CST8: variants seen among roughly 807,000 people sequenced by gnomAD.
CST8 encodes cystatin-8.
CST8 carries 20 observed loss-of-function variants against 11.8 expected under a neutral mutation model. That is an observed-to-expected ratio of 1.70 (90% CI 1.20 to 2.47). The LOEUF is 2.47. Among genes scored for constraint, CST8 ranks in the 30% most tolerant of loss-of-function variants. CST8 has a pLI of 0.00. For synonymous variants in CST8, 77 were observed against 63.1 expected, an observed-to-expected ratio of 1.22 and a Z score of -1.05; for missense variants, 196 against 167.2, an observed-to-expected ratio of 1.17 and a Z score of -0.95.
At chr20:23,504,251 C>G in the CST8 span, among the ~76,000 whole-genome samples, 9 of 152,078 alleles carry the variant, frequency 5.9e-5, no homozygotes, top group African/African-American at 2.2e-4. Context: ...TGCCATGTGC[C>G]GGACACCATT....
At chr20:23,493,141 CA>C in intron 3 of CST8, 70 bp downstream of exon 3, 1 of 958,632 alleles carries the variant, frequency 1.0e-6, no homozygotes, top group Non-Finnish European at 1.7e-6. Flanking sequence ...CTGAGGCACG[CA>C]GACCTTCTCT....
rs776306520 is a variant in CST8, at chr20:23,491,630, G to A, written c.-38G>A. 6 of 1,527,276 alleles carry A rather than the reference G, an allele frequency of 3.9e-6. No homozygotes were observed. The highest frequency in any genetic ancestry group is 2.3e-5 in the East Asian group (1 of 44,432). The allele number at this position is 1,527,276 out of a possible 1,614,324, so 94.6% of individuals were successfully genotyped here. A position where few individuals can be genotyped will look rare whatever the true frequency, so the allele number is the denominator to read the frequency against. The stretch of plus-strand genomic sequence containing the variant: ...CCCACAGCTCCAGCCCTGAGACGAC[G>A]AGGAGGAGAGTCGACTTTGCCTCTT... On this transcript the variant is annotated 5_prime_UTR_variant, in exon 2 of 4. Transcript: ENST00000246012.
At chr20:23,493,735 C>T (rs1987960686) in intron 3 of CST8, among the ~76,000 whole-genome samples, 1 of 152,180 alleles carries the variant, frequency 6.6e-6, no homozygotes, top group African/African-American at 2.4e-5. Flanking sequence ...AGTACTTGGT[C>T]CCAGACAGAT....
Position 23,491,576 on chromosome 20 carries a change from A to G in CST8, c.-92A>G, listed in dbSNP as rs1483049611. The G allele has an allele frequency of 8.3e-6, 8 of 964,014 alleles. No homozygotes were observed. Among genetic ancestry groups the G allele is most frequent in the Non-Finnish European group, 1.3e-5 (8 of 614,922 alleles). 59.7% of individuals were successfully genotyped at this position (964,014 alleles called of 1,614,324 possible). A position where few individuals can be genotyped will look rare whatever the true frequency, so the allele number is the denominator to read the frequency against. ...GTGTGGCTCGAAGATTCTTGAACCC[A>G]CAGCAGCAGCTGCGGCCACCCCATC... On this transcript the variant is annotated 5_prime_UTR_variant, in exon 2 of 4. Transcript: ENST00000246012.
Position 23,491,707 on chromosome 20 carries a change from A to T in CST8, c.40A>T (p.Ile14Phe), listed in dbSNP as rs746492126. The T allele has an allele frequency of 1.2e-6, 2 of 1,613,980 alleles. No homozygotes were observed. The highest frequency in any genetic ancestry group is 3.3e-5 in the Admixed American group (2 of 60,020). Residue 14 changes from isoleucine (I) to phenylalanine (F), a missense_variant, in exon 2 of 4, where the codon ATT (isoleucine) becomes TTT (phenylalanine). Transcript: ENST00000246012. ...CRWLSLILLT[I>F]PLALVARKDP... ...GTGGCTCTCCCTGATCCTCCTCACC[A>T]TTCCCCTGGCCCTGGTGGCCAGGAA...
the CST8 span, among the ~76,000 whole-genome samples, chr20:23,506,019 C>T: frequency 6.7e-6 from 1 of 149,976 alleles, no homozygotes; most frequent in Non-Finnish European, 1.5e-5. Flanking sequence ...TACAAAGATC[C>T]TGTATACCAT....
intron 3 of CST8, among the ~76,000 whole-genome samples, chr20:23,493,620 C>T (rs960306604): frequency 6.6e-6 from 1 of 152,174 alleles, no homozygotes; most frequent in African/African-American, 2.4e-5. Flanking sequence ...TCCAGGTTTC[C>T]AGGAAGGTTG....
At position 23,494,159 on chromosome 20, in the gene CST8, C is replaced by G. The variant is rs138547767; in HGVS notation, c.345+1088C>G. Among the ~76,000 whole-genome samples, 517 of 152,244 alleles carry G rather than the reference C, an allele frequency of 3.4e-3. 3 individuals carry two copies. Among genetic ancestry groups the G allele is most frequent in the Non-Finnish European group, 4.7e-3 (320 of 68,024 alleles). On this transcript the variant is annotated intron_variant, in intron 3 of 3. Coordinates refer to ENST00000246012, the MANE Select transcript of CST8 (RefSeq NM_005492.4). ...CAAACATTTCAGCAGTGAGCTTGTC[C>G]GAATGCTATCTGATCTTTTATGCTT...
intron 2 of CST8, 73 bp downstream of exon 2, chr20:23,491,971 C>T: frequency 8.2e-7 from 1 of 1,212,432 alleles, no homozygotes; most frequent in South Asian, 1.3e-5. Flanking sequence ...AAAGAGTGGG[C>T]ATATAAGAAA....
intron 3 of CST8, among the ~76,000 whole-genome samples, chr20:23,495,545 A>T (rs1180049027): frequency 6.6e-6 from 1 of 152,208 alleles, no homozygotes; most frequent in Non-Finnish European, 1.5e-5. Flanking sequence ...AGGGAATTAA[A>T]CATAATGTCA....
the CST8 span, among the ~76,000 whole-genome samples, chr20:23,501,979 C>T: frequency 9.2e-4 from 140 of 152,316 alleles, 1 homozygote; most frequent in African/African-American, 3.2e-3. Context: ...GCTTTGTCAC[C>T]TACACCATGC....
At chr20:23,496,747 C>T (rs3004106), downstream of CST8, among the ~76,000 whole-genome samples, 54,925 of 152,014 alleles carry the variant, frequency 0.36, 11,733 homozygotes, top group Non-Finnish European at 0.47. Flanking sequence ...CCCCCCAAAG[C>T]GGCCATTTTA....
chr20:23,502,605 A>C, the CST8 span, among the ~76,000 whole-genome samples: 2 of 152,220 alleles, frequency 1.3e-5, no homozygotes, highest in African/African-American at 4.8e-5. Context: ...TCTGTCATCT[A>C]TAACCAGGTG....
intron 2 of CST8, 104 bp from the exon 3 acceptor site, chr20:23,492,854 A>T (rs1175365174): frequency 2.7e-6 from 2 of 749,100 alleles, no homozygotes; most frequent in South Asian, 3.1e-5. Context: ...GTGAGGGAGG[A>T]AGGAAAGAGG....
At chr20:23,503,245 C>T in the CST8 span, among the ~76,000 whole-genome samples, 134 of 152,260 alleles carry the variant, frequency 8.8e-4, no homozygotes, top group Non-Finnish European at 8.8e-5. Flanking sequence ...CACAATAATA[C>T]AGACAATAAA....
chr20:23,493,309 C>G (rs1282254320), intron 3 of CST8, among the ~76,000 whole-genome samples: 3 of 152,186 alleles, frequency 2.0e-5, no homozygotes, highest in Non-Finnish European at 4.4e-5. Context: ...ACTCTTATCT[C>G]AAGGGCTCCA....
At chr20:23,502,622 T>C in the CST8 span, among the ~76,000 whole-genome samples, 1 of 152,214 alleles carries the variant, frequency 6.6e-6, no homozygotes, top group South Asian at 2.1e-4. Context: ...GGTGGATTCT[T>C]ACACCCAAAC....
chr20:23,491,717 C>T lies in CST8; in HGVS notation c.50C>T (p.Ala17Val), dbSNP rs1410745779. Residue 17 changes from alanine (A) to valine (V), a missense_variant, in exon 2 of 4, where the codon GCC (alanine) becomes GTC (valine). Physicochemically the swap from Ala to Val is moderately conservative, Grantham distance 64. Coordinates refer to ENST00000246012, the MANE Select transcript of CST8 (RefSeq NM_005492.4). ...LSLILLTIPL[A>V]LVARKDPKKN... ...CTGATCCTCCTCACCATTCCCCTGGCCCTGGTGGCCAGGAAAGACCCAAAA... is the reference window on the plus strand; with the variant it reads ...CTGATCCTCCTCACCATTCCCCTGGTCCTGGTGGCCAGGAAAGACCCAAAA... 6.2e-7 allele frequency: 1 copy of T among 1,613,994 alleles called. No homozygotes were observed. Among genetic ancestry groups the T allele is most frequent in the East Asian group, 2.2e-5 (1 of 44,854 alleles).
At chr20:23,496,993 G>A (rs956815521), downstream of CST8, among the ~76,000 whole-genome samples, 2 of 152,128 alleles carry the variant, frequency 1.3e-5, no homozygotes, top group East Asian at 1.9e-4. Context: ...ATGCTCTACA[G>A]ACAATTTGTG....
Sources: allele counts gnomAD v4.1 joint callset (sites outside exome capture counted in the v4.1 genomes callset), GRCh38; gene constraint gnomAD v4.1.1; transcripts MANE v1.5; gene names NCBI Gene and HGNC (gene_info 2026-07-23, HGNC 2026-07-21).